PCDHGA8: variants seen among roughly 807,000 people sequenced by gnomAD.
The protein encoded by PCDHGA8 is protocadherin gamma-A8.
In PCDHGA8, 45 loss-of-function variants were observed where a neutral mutation model predicts 59.2. The ratio of observed to expected loss-of-function variants is 0.76; its 90% CI spans 0.60 to 0.98. PCDHGA8 has a LOEUF of 0.98. Ranked by LOEUF, PCDHGA8 falls within the 50% of genes least tolerant of loss-of-function variation. The pLI is 0.00. For synonymous variants in PCDHGA8, 531 were observed against 519.0 expected (o/e 1.02, Z -0.32); for missense variants, 1,257 against 1,196.2 (o/e 1.05, Z -0.75).
Position 141,477,749 on chromosome 5 carries a change from C to T in PCDHGA8, c.2425-17058C>T. The stretch of plus-strand genomic sequence containing the variant: ...AGCTCATATCAGCGATGGGGGCACC[C>T]CGGTCCTAGCCACCAACATCAGCGT... On this transcript the variant is annotated intron_variant, in intron 1 of 3. Transcript: ENST00000398604. The surrounding 1 kb of genome is among the most constrained non-coding windows in gnomAD (Gnocchi z 4.9). 1 of 1,613,904 alleles carries T rather than the reference C, an allele frequency of 6.2e-7. No homozygotes were observed. Among genetic ancestry groups the T allele is most frequent in the Non-Finnish European group, 8.5e-7 (1 of 1,180,030 alleles).
At chr5:141,408,177 G>C (rs1359754385) in intron 1 of PCDHGA8, 3 of 1,534,464 alleles carry the variant, frequency 2.0e-6, no homozygotes, top group Non-Finnish European at 2.6e-6. Context: ...GGAAAAGCGG[G>C]GACCCAGCGA....
At chr5:141,510,408 T>C (rs1447722710) in intron 3 of PCDHGA8, among the ~76,000 whole-genome samples, 1 of 151,878 alleles carries the variant, frequency 6.6e-6, no homozygotes, top group African/African-American at 2.4e-5. Flanking sequence ...GCTAGGGGCA[T>C]GTAAAGCCAT....
At chr5:141,438,649 CACAT>C (rs2098044358) in intron 1 of PCDHGA8, among the ~76,000 whole-genome samples, 1 of 100,976 alleles carries the variant, frequency 9.9e-6, no homozygotes, top group Non-Finnish European at 2.0e-5. Context: ...CACACACACA[CACAT>C]ATATGTATAT....
intron 1 of PCDHGA8, chr5:141,424,783 T>C (rs1285808638): frequency 1.3e-5 from 2 of 152,212 alleles, no homozygotes; most frequent in African/African-American, 4.8e-5. Flanking sequence ...TACATTCAGT[T>C]CTTTTATTCA....
intron 1 of PCDHGA8, among the ~76,000 whole-genome samples, chr5:141,474,243 G>GA (rs1161758975): frequency 2.6e-5 from 4 of 152,050 alleles, no homozygotes; most frequent in Admixed American, 1.3e-4. Context: ...CTGAATAGGG[G>GA]AAAAAAAGAC....
At chr5:141,438,649 CACATATATGTAT>C (rs1346265042) in intron 1 of PCDHGA8, among the ~76,000 whole-genome samples, 20 of 100,970 alleles carry the variant, frequency 2.0e-4, no homozygotes, top group Admixed American at 2.1e-4. Flanking sequence ...CACACACACA[CACATATATGTAT>C]ATATATATTT....
chr5:141,415,411 G>A (rs754595054), intron 1 of PCDHGA8: 45 of 1,614,112 alleles, frequency 2.8e-5, no homozygotes, highest in Non-Finnish European at 3.6e-5. Context: ...GCACTTTGTG[G>A]GCGTGGACGG....
At chr5:141,420,370 T>A in intron 1 of PCDHGA8, 1 of 1,352,032 alleles carries the variant, frequency 7.4e-7, no homozygotes, top group South Asian at 1.8e-5. Flanking sequence ...GATAACTTCT[T>A]CATAGAGTTC....
At chr5:141,414,342 C>A in intron 1 of PCDHGA8, 2 of 1,613,810 alleles carry the variant, frequency 1.2e-6, no homozygotes, top group East Asian at 2.2e-5. Flanking sequence ...TAACCTGTTC[C>A]ATTTTGGCGT....
rs554003983 is a variant in PCDHGA8, at chr5:141,415,548, A to T, written c.2424+20311A>T. 10 of 1,614,160 alleles carry T rather than the reference A, an allele frequency of 6.2e-6. No individual in the cohort carries two copies. The East Asian group carries it at 1.8e-4, about 29-fold the overall frequency. ...TCATCAGCCAGGAGAGCTGTGAGAA[A>T]AACGATCCTTTGTCTTTGTTAGATG... On this transcript the variant is annotated intron_variant, in intron 1 of 3. Coordinates refer to ENST00000398604, the MANE Select transcript of PCDHGA8 (RefSeq NM_032088.2).
At position 141,489,800 on chromosome 5, in the gene PCDHGA8, A is replaced by T. The variant is rs2099692478; in HGVS notation, c.2425-5007A>T. 1 of 1,614,166 alleles carries T rather than the reference A, an allele frequency of 6.2e-7. No homozygotes were observed. Among genetic ancestry groups the T allele is most frequent in the Non-Finnish European group, 8.5e-7 (1 of 1,179,994 alleles). On this transcript the variant is annotated intron_variant, in intron 1 of 3. Coordinates refer to ENST00000398604, the MANE Select transcript of PCDHGA8 (RefSeq NM_032088.2). This position sits in a 1 kb window ranked among gnomAD's most constrained non-coding sequence, Gnocchi z 4.5. ...TCTCTGAATGTGAAGACCCTAAAAG[A>T]TGGGAAGCCATTCCCAGAGCTGGTG...
intron 1 of PCDHGA8, chr5:141,419,244 C>T (rs2096349736): frequency 1.2e-6 from 2 of 1,614,008 alleles, no homozygotes; most frequent in Non-Finnish European, 1.7e-6. Context: ...GTCCACGTGC[C>T]AGAAAACAAC....
rs759742074 is a variant in PCDHGA8 at position 141,403,012 on chromosome 5, G to T, written c.2424+7775G>T. On this transcript the variant is annotated intron_variant, in intron 1 of 3. Transcript: ENST00000398604. ...GATTAGTCCTGCTATGCTCGCTCCT[G>T]GGGATGCTATGGGAGGCCAGGGCCA... 8.1e-6 allele frequency: 13 copies of T among 1,614,072 alleles called. 1 individual carries two copies. The South Asian group carries it at 1.4e-4, about 18-fold the overall frequency.
intron 3 of PCDHGA8, among the ~76,000 whole-genome samples, chr5:141,510,272 T>TA (rs546154379): frequency 0.17 from 22,022 of 130,294 alleles, 2,255 homozygotes; most frequent in African/African-American, 0.28. Flanking sequence ...GACTCCATCT[T>TA]AAAAAAAAAA....
At chr5:141,450,599 G>T (rs569531886) in intron 1 of PCDHGA8, among the ~76,000 whole-genome samples, 11 of 150,286 alleles carry the variant, frequency 7.3e-5, no homozygotes, top group African/African-American at 2.7e-4. Flanking sequence ...CAATTCTCCT[G>T]CCTCAGCCTC....
chr5:141,479,328 G>A (rs568506786), intron 1 of PCDHGA8: 1 of 152,654 alleles, frequency 6.6e-6, no homozygotes, highest in East Asian at 1.9e-4. Flanking sequence ...CAGACTCAGT[G>A]GTGTGCACCT....
intron 1 of PCDHGA8, among the ~76,000 whole-genome samples, chr5:141,466,121 CA>C (rs908379481): frequency 4.8e-5 from 7 of 146,852 alleles, no homozygotes; most frequent in Non-Finnish European, 6.0e-5. Context: ...GACTCCAGCT[CA>C]AAAAAAAAAT....
chr5:141,413,054 A>G (rs2095600698), intron 1 of PCDHGA8: 1 of 981,614 alleles, frequency 1.0e-6, no homozygotes, highest in African/African-American at 1.6e-5. Flanking sequence ...AGGGAAGCTC[A>G]CTCCAGAATT....
intron 1 of PCDHGA8, chr5:141,399,680 A>T: frequency 6.2e-7 from 1 of 1,613,514 alleles, no homozygotes; most frequent in Non-Finnish European, 8.5e-7. Context: ...GCCTTTGACT[A>T]CGAGCAGCTG....
Sources: allele counts gnomAD v4.1 joint callset (sites outside exome capture counted in the v4.1 genomes callset), GRCh38; gene constraint gnomAD v4.1.1; non-coding constraint Gnocchi (gnomAD v3.1); transcripts MANE v1.5; gene names NCBI Gene and HGNC (gene_info 2026-07-23, HGNC 2026-07-21).